Variants in RORB observed in about 807,000 individuals in gnomAD.
The protein encoded by RORB is nuclear receptor ROR-beta.
Under a neutral mutation model 59.1 loss-of-function variants are expected in RORB, and 6 were observed. The observed-to-expected ratio is 0.10, with a 90% CI of 0.06 to 0.20. RORB has a LOEUF of 0.20. Among genes scored for constraint, RORB ranks in the 10% least tolerant of loss-of-function variants. The pLI is 1.00. For synonymous variants in RORB, 215 were observed against 204.5 expected, an observed-to-expected ratio of 1.05 and a Z score of -0.44; for missense variants, 320 against 560.5, an observed-to-expected ratio of 0.57 and a Z score of 4.33.
At chr9:74,675,104 G>A (rs1824414684) in intron 9 of RORB, among the ~76,000 whole-genome samples, 1 of 152,118 alleles carries the variant, frequency 6.6e-6, no homozygotes, top group African/African-American at 2.4e-5. Flanking sequence ...GTCACTGATA[G>A]ATGAAAACCA....
intron 1 of RORB, among the ~76,000 whole-genome samples, chr9:74,568,050 C>T (rs1822494433): frequency 6.6e-6 from 1 of 152,194 alleles, no homozygotes; most frequent in South Asian, 2.1e-4. Flanking sequence ...AATAATCTAA[C>T]ACATCATTCC....
At chr9:74,608,563 C>A (rs1206289382) in intron 1 of RORB, among the ~76,000 whole-genome samples, 681 of 127,078 alleles carry the variant, frequency 5.4e-3, no homozygotes, top group Admixed American at 6.2e-3. Context: ...GACTCCGTCT[C>A]AAAAAAAAAA....
At chr9:74,574,619 AC>A (rs1357013231) in intron 1 of RORB, among the ~76,000 whole-genome samples, 3 of 152,126 alleles carry the variant, frequency 2.0e-5, no homozygotes, top group South Asian at 2.1e-4. Flanking sequence ...TTGTAAAACA[AC>A]AAAACCTCAG....
At position 74,532,320 on chromosome 9, in the gene RORB, T is replaced by C. The variant is rs530282374; in HGVS notation, c.7+34337T>C. 4.6e-5 allele frequency among the ~76,000 whole-genome samples: 7 copies of C among 152,046 alleles called. No homozygotes were observed. The South Asian group carries it at 6.2e-4, about 14-fold the overall frequency. On this transcript the variant is annotated intron_variant, in intron 1 of 9. Coordinates refer to ENST00000376896, the MANE Select transcript of RORB (RefSeq NM_006914.4). ...CCCACTTTTTCTCAGTGATCAGTTC[T>C]GATATCCAGCTCCAAAGCACCACTC...
chr9:74,519,334 C>T (rs1319733767), intron 1 of RORB, among the ~76,000 whole-genome samples: 1 of 151,924 alleles, frequency 6.6e-6, no homozygotes, highest in East Asian at 1.9e-4. Flanking sequence ...GTGTGGGAGA[C>T]AGGGGAATTC....
At chr9:74,529,787 A>C (rs1826208441) in intron 1 of RORB, among the ~76,000 whole-genome samples, 2 of 151,896 alleles carry the variant, frequency 1.3e-5, no homozygotes, top group Admixed American at 1.3e-4. Context: ...TTCTGTCCTA[A>C]ATTATAGATT....
At chr9:74,591,054 C>G (rs573340342) in intron 1 of RORB, among the ~76,000 whole-genome samples, 16 of 152,202 alleles carry the variant, frequency 1.1e-4, no homozygotes, top group Non-Finnish European at 2.2e-4. Context: ...ATCAGCCTCC[C>G]AAAGTGCTGG....
At chr9:74,542,698 T>C (rs1454128486) in intron 1 of RORB, among the ~76,000 whole-genome samples, 1 of 152,208 alleles carries the variant, frequency 6.6e-6, no homozygotes, top group Non-Finnish European at 1.5e-5. Context: ...TTTCCAAAAA[T>C]TGTGGCTAAC....
rs1822921661 is a variant in RORB, at chr9:74,592,970, G to A, written c.8-37312G>A. 2.0e-5 allele frequency among the ~76,000 whole-genome samples: 3 copies of A among 152,166 alleles called. No individual in the cohort carries two copies. The South Asian group carries it at 6.2e-4, about 32-fold the overall frequency. On this transcript the variant is annotated intron_variant, in intron 1 of 9. Coordinates refer to ENST00000376896, the MANE Select transcript of RORB (RefSeq NM_006914.4). ...TCTGAACCTTAGGAAAGTCTTCCTTGTATCCATAGACCGTTTCTTGGGCTG... is the reference window on the plus strand; with the variant it reads ...TCTGAACCTTAGGAAAGTCTTCCTTATATCCATAGACCGTTTCTTGGGCTG...
intron 2 of RORB, among the ~76,000 whole-genome samples, chr9:74,630,661 T>C (rs184822998): frequency 3.4e-4 from 52 of 152,252 alleles, no homozygotes; most frequent in African/African-American, 1.2e-3. Flanking sequence ...TTTAGCAGTA[T>C]TGTCTCCAGT....
intron 1 of RORB, among the ~76,000 whole-genome samples, chr9:74,513,546 T>C (rs1232038575): frequency 6.6e-6 from 1 of 152,052 alleles, no homozygotes; most frequent in Non-Finnish European, 1.5e-5. Flanking sequence ...TCAGAACCTG[T>C]GTTCACAGAG....
chr9:74,522,942 C>G (rs1020414203), intron 1 of RORB, among the ~76,000 whole-genome samples: 6 of 151,810 alleles, frequency 4.0e-5, no homozygotes, highest in African/African-American at 1.4e-4. Context: ...ATTAACCTAG[C>G]ACATCACACT....
chr9:74,553,063 C>T (rs1276920010), intron 1 of RORB, among the ~76,000 whole-genome samples: 2 of 152,098 alleles, frequency 1.3e-5, no homozygotes, highest in East Asian at 3.9e-4. Flanking sequence ...TGGATGCGTT[C>T]GGAGAGGGGA....
intron 1 of RORB, among the ~76,000 whole-genome samples, chr9:74,554,576 TAA>T (rs5898358): frequency 2.5e-4 from 37 of 149,188 alleles, no homozygotes; most frequent in East Asian, 9.9e-4. Context: ...TTGAATAACT[TAA>T]AAAAAAAAAA....
At chr9:74,647,709 T>C (rs576933100) in intron 4 of RORB, among the ~76,000 whole-genome samples, 103 of 152,322 alleles carry the variant, frequency 6.8e-4, no homozygotes, top group African/African-American at 2.2e-3. Flanking sequence ...GTATTAATAG[T>C]TAAAGGAGAT....
intron 1 of RORB, among the ~76,000 whole-genome samples, chr9:74,613,672 G>C (rs554408810): frequency 1.3e-5 from 2 of 152,186 alleles, no homozygotes; most frequent in South Asian, 4.2e-4. Flanking sequence ...CACTAAGTTC[G>C]GCTCTACCAT....
At position 74,642,712 on chromosome 9, in the gene RORB, A is replaced by G. The variant is rs1563962122; in HGVS notation, c.534A>G (p.Ile178Met). The G allele has an allele frequency of 6.2e-7, 1 of 1,614,204 alleles. No individual in the cohort carries two copies. Among genetic ancestry groups the G allele is most frequent in the South Asian group, 1.1e-5 (1 of 91,090 alleles). The stretch of plus-strand genomic sequence containing the variant: ...TTGACATGACTGGAATCAAACAGAT[A>G]AAGCAAGAACCTATCTATGACCTCA... ...SGLDMTGIKQ[I>M]KQEPIYDLTS... The change falls in exon 4 of 10, where the codon ATA becomes ATG. Residue 178 changes from isoleucine to methionine, a missense_variant. Physicochemically the swap from Ile to Met is conservative, Grantham distance 10. This residue lies in a region of RORB where 134 missense variants were observed against 156.2 expected (regional missense o/e 0.86). Transcript: ENST00000376896.
intron 1 of RORB, among the ~76,000 whole-genome samples, chr9:74,516,156 A>T (rs1279871296): frequency 1.3e-5 from 2 of 152,090 alleles, no homozygotes; most frequent in Non-Finnish European, 2.9e-5. Flanking sequence ...ATTTTTTTGT[A>T]AAGTGAAGAT....
chr9:74,606,384 TGGCAATGTGAATTG>T (rs1461394544), intron 1 of RORB, among the ~76,000 whole-genome samples: 1 of 152,256 alleles, frequency 6.6e-6, no homozygotes, highest in African/African-American at 2.4e-5. Flanking sequence ...ACATTTAGTT[TGGCAATGTGAATTG>T]TTCATGTGGT....
Sources: allele counts gnomAD v4.1 joint callset (sites outside exome capture counted in the v4.1 genomes callset), GRCh38; gene constraint gnomAD v4.1.1; regional missense constraint gnomAD v4.1.1; transcripts MANE v1.5; gene names NCBI Gene and HGNC (gene_info 2026-07-23, HGNC 2026-07-21).